Variants in RASGRP3 observed in about 807,000 individuals in gnomAD.
The protein encoded by RASGRP3 is RAS guanyl releasing protein 3, also known as ras guanyl-releasing protein 3.
A neutral mutation model predicts 82.7 loss-of-function variants in RASGRP3; 54 were observed. The ratio of observed to expected loss-of-function variants is 0.65; its 90% confidence interval spans 0.52 to 0.82. The LOEUF (loss-of-function observed/expected upper bound fraction) is 0.82. Among genes scored for constraint, RASGRP3 ranks in the 40% least tolerant of loss-of-function variants. RASGRP3 has a pLI of 0.00. For synonymous variants in RASGRP3, 309 were observed against 300.5 expected, an observed-to-expected ratio of 1.03 and a Z score of -0.29; for missense variants, 861 against 828.9, an observed-to-expected ratio of 1.04 and a Z score of -0.48.
At chr2:33,438,371 T>C (rs1377222497) in intron 1 of RASGRP3, among the ~76,000 whole-genome samples, 1 of 152,154 alleles carries the variant, frequency 6.6e-6, no homozygotes, top group Non-Finnish European at 1.5e-5. Flanking sequence ...GAGATCAGCC[T>C]AGCTAACAGG....
At chr2:33,526,874 T>G (rs1307991834) in intron 9 of RASGRP3, among the ~76,000 whole-genome samples, 2 of 152,234 alleles carry the variant, frequency 1.3e-5, no homozygotes, top group South Asian at 2.1e-4. Context: ...TGATGCCATT[T>G]AATATCCCAA....
chr2:33,454,251 C>A (rs1424163269), intron 2 of RASGRP3, among the ~76,000 whole-genome samples: 2 of 151,938 alleles, frequency 1.3e-5, no homozygotes, highest in African/African-American at 4.8e-5. Context: ...TTTTAAAAAG[C>A]CATACATAGT....
intron 1 of RASGRP3, among the ~76,000 whole-genome samples, chr2:33,494,685 A>G (rs933391750): frequency 2.0e-5 from 3 of 152,222 alleles, no homozygotes; most frequent in Non-Finnish European, 4.4e-5. Flanking sequence ...AGGTAGCCCA[A>G]CGTACATTCT....
At chr2:33,504,263 G>T (rs990170690) in intron 1 of RASGRP3, among the ~76,000 whole-genome samples, 2 of 151,974 alleles carry the variant, frequency 1.3e-5, no homozygotes, top group Non-Finnish European at 2.9e-5. Context: ...TGTCAAGAAG[G>T]CCTCCTAGAT....
chr2:33,558,438 A>G, intron 16 of RASGRP3, 102 bp downstream of exon 16: 1 of 1,553,598 alleles, frequency 6.4e-7, no homozygotes, highest in Non-Finnish European at 8.7e-7. Context: ...CAGTCACTCT[A>G]AACGCTAAGG....
chr2:33,538,650 A>C (rs1673904452), intron 11 of RASGRP3, among the ~76,000 whole-genome samples: 2 of 152,224 alleles, frequency 1.3e-5, no homozygotes, highest in Admixed American at 1.3e-4. Context: ...TTTAATAGCT[A>C]TATAAATGTA....
At chr2:33,439,429 G>A (rs1335479769) in intron 1 of RASGRP3, among the ~76,000 whole-genome samples, 2 of 152,152 alleles carry the variant, frequency 1.3e-5, no homozygotes, top group African/African-American at 4.8e-5. Flanking sequence ...CTGTGAGCAT[G>A]AGCAGAGACA....
intron 11 of RASGRP3, among the ~76,000 whole-genome samples, chr2:33,537,439 A>G (rs1673765481): frequency 1.3e-5 from 2 of 151,038 alleles, no homozygotes; most frequent in South Asian, 4.2e-4. Flanking sequence ...GCTCACTGCA[A>G]CCTCCACCTC....
chr2:33,500,806 C>T lies in RASGRP3; in HGVS notation c.-260-10904C>T, dbSNP rs181820234. On this transcript the variant is annotated intron_variant, in intron 1 of 17. Coordinates refer to ENST00000403687, the MANE Select transcript of RASGRP3 (RefSeq NM_001139488.2). ...AAAAGTAGCCGGACATGGTGGCGCG[C>T]ACCTGTAATCCCAGCTACTCAGGTG... 9.1e-4 allele frequency among the ~76,000 whole-genome samples: 139 copies of T among 152,222 alleles called. 1 individual carries two copies. The highest frequency in any genetic ancestry group is 3.1e-3 in the African/African-American group (130 of 41,540).
chr2:33,456,058 C>T (rs1380656264), intron 2 of RASGRP3, among the ~76,000 whole-genome samples: 1 of 152,150 alleles, frequency 6.6e-6, no homozygotes, highest in African/African-American at 2.4e-5. Context: ...CCATTTCTCC[C>T]ACCCTCTCCT....
At chr2:33,513,817 C>CT (rs1402935087) in intron 2 of RASGRP3, 1 of 152,242 alleles carries the variant, frequency 6.6e-6, no homozygotes, top group Non-Finnish European at 1.5e-5. Flanking sequence ...CATTTTCCTT[C>CT]TGTCTCTGTA....
At chr2:33,500,219 G>C (rs1174405553) in intron 1 of RASGRP3, among the ~76,000 whole-genome samples, 1 of 152,140 alleles carries the variant, frequency 6.6e-6, no homozygotes, top group African/African-American at 2.4e-5. Context: ...GAATGCAGGG[G>C]GCAGGCTTTG....
chr2:33,490,181 T>C (rs1478775184), intron 1 of RASGRP3, among the ~76,000 whole-genome samples: 1 of 152,212 alleles, frequency 6.6e-6, no homozygotes, highest in Non-Finnish European at 1.5e-5. Context: ...AGTTTTCAGC[T>C]TCCTCTACTA....
upstream of RASGRP3, among the ~76,000 whole-genome samples, chr2:33,474,127 C>T (rs543989957): frequency 7.9e-5 from 12 of 152,216 alleles, no homozygotes; most frequent in South Asian, 2.5e-3. Context: ...GGACAGGTAC[C>T]TGTCCATGGC....
At chr2:33,446,470 T>A (rs907982637) in intron 1 of RASGRP3, among the ~76,000 whole-genome samples, 2 of 131,474 alleles carry the variant, frequency 1.5e-5, no homozygotes, top group Admixed American at 1.7e-4. Flanking sequence ...AGTAGGGCAA[T>A]TTTTTTTGGA....
intron 1 of RASGRP3, among the ~76,000 whole-genome samples, chr2:33,440,310 C>T (rs1194607059): frequency 1.3e-5 from 2 of 152,328 alleles, no homozygotes; most frequent in East Asian, 3.9e-4. Context: ...AACCATCTAT[C>T]GGCAGGTTCC....
At chr2:33,495,384 G>A (rs2150967236) in intron 1 of RASGRP3, among the ~76,000 whole-genome samples, 2 of 152,270 alleles carry the variant, frequency 1.3e-5, no homozygotes, top group Middle Eastern at 3.4e-3. Flanking sequence ...GTTCACAATA[G>A]GGTTTGTGGT....
intron 2 of RASGRP3, among the ~76,000 whole-genome samples, chr2:33,467,919 GA>G (rs1346200016): frequency 6.6e-6 from 1 of 152,150 alleles, no homozygotes; most frequent in Non-Finnish European, 1.5e-5. Flanking sequence ...ATATTGACCA[GA>G]AAGTTAAAGA....
chr2:33,500,841 G>A (rs1343294334), intron 1 of RASGRP3, among the ~76,000 whole-genome samples: 1 of 152,200 alleles, frequency 6.6e-6, no homozygotes, highest in East Asian at 1.9e-4. Flanking sequence ...GGCTGAGGCA[G>A]GAGAATCGCT....
Sources: gnomAD v4.1 joint callset for allele counts (sites outside exome capture counted in the v4.1 genomes callset) on GRCh38, gnomAD v4.1.1 for gene constraint, MANE v1.5 for transcripts, NCBI Gene and HGNC (gene_info 2026-07-23, HGNC 2026-07-21) for gene names.